RCL1: variants seen among roughly 807,000 people sequenced by gnomAD.
RCL1 encodes the protein RNA terminal phosphate cyclase like 1.
RCL1 carries 24 observed loss-of-function variants against 42.4 expected under a neutral mutation model. The observed-to-expected ratio is 0.57, with a 90% CI of 0.41 to 0.80. The LOEUF (loss-of-function observed/expected upper bound fraction) is 0.80. RCL1 is among the 30% of genes least tolerant of loss of function. The pLI is 0.00. For missense variants in RCL1, 578 were observed against 467.9 expected (o/e 1.24, Z -2.17); for synonymous variants, 228 against 177.3 (o/e 1.29, Z -2.27).
chr9:4,841,434 C>T lies in RCL1; in HGVS notation c.710+77C>T, dbSNP rs1356536078. The T allele has an allele frequency of 6.7e-6, 8 of 1,187,202 alleles. No homozygotes were observed. In the Admixed American group the frequency reaches 1.3e-4, roughly 20 times the overall value. The allele number at this position is 1,187,202 out of a possible 1,614,324, so 73.5% of individuals were successfully genotyped here. A position where few individuals can be genotyped will look rare whatever the true frequency, so the allele number is the denominator to read the frequency against. On this transcript the variant is annotated intron_variant, in intron 6 of 8. Transcript: ENST00000381750. ...TTCTAGTTGAAGTTAAAACTGCCAG[C>T]TCTGAGGTTGCGCAGCCAGAGGAAG...
intron 8 of RCL1, among the ~76,000 whole-genome samples, chr9:4,858,251 G>C (rs954520711): frequency 6.6e-6 from 1 of 152,108 alleles, no homozygotes; most frequent in African/African-American, 2.4e-5. Flanking sequence ...TGAGATGCCT[G>C]ACCTTTATCA....
intron 5 of RCL1, among the ~76,000 whole-genome samples, chr9:4,836,320 G>A (rs1366979185): frequency 6.6e-6 from 1 of 152,122 alleles, no homozygotes; most frequent in Non-Finnish European, 1.5e-5. Context: ...TGGAGGGTGG[G>A]TGCTGGAGCA....
At chr9:4,835,940 A>C (rs1342339865) in intron 5 of RCL1, among the ~76,000 whole-genome samples, 2 of 152,100 alleles carry the variant, frequency 1.3e-5, no homozygotes, top group Admixed American at 1.3e-4. Flanking sequence ...GGCATACGGT[A>C]AGGGTGGCTC....
chr9:4,808,149 C>T (rs1261319856), intron 1 of RCL1, among the ~76,000 whole-genome samples: 5 of 151,908 alleles, frequency 3.3e-5, no homozygotes, highest in Admixed American at 2.6e-4. Context: ...AGAGGGGTCG[C>T]TGACAATAAT....
chr9:4,854,925 T>C (rs1817885162), intron 8 of RCL1, among the ~76,000 whole-genome samples: 1 of 151,888 alleles, frequency 6.6e-6, no homozygotes, highest in Admixed American at 6.6e-5. Flanking sequence ...TGGTGGCACA[T>C]GTCTCTAATC....
chr9:4,793,768 A>G (rs1842871009), intron 1 of RCL1, among the ~76,000 whole-genome samples: 1 of 152,150 alleles, frequency 6.6e-6, no homozygotes, highest in Middle Eastern at 3.2e-3. Flanking sequence ...GGATAAAGAA[A>G]TTTTTAAAAT....
chr9:4,835,767 C>G (rs537595404), intron 5 of RCL1, among the ~76,000 whole-genome samples: 1 of 152,158 alleles, frequency 6.6e-6, no homozygotes, highest in African/African-American at 2.4e-5. Flanking sequence ...CTTGGTTGCC[C>G]GTATATCTTT....
At chr9:4,835,012 A>G (rs1817075909) in intron 5 of RCL1, among the ~76,000 whole-genome samples, 1 of 152,220 alleles carries the variant, frequency 6.6e-6, no homozygotes. Flanking sequence ...AGAGGATTGC[A>G]AAGTAGAGCA....
In RCL1 at chr9:4,840,012, G is replaced by A. The variant is rs189011480; in HGVS notation, c.585-1220G>A. On this transcript the variant is annotated intron_variant, in intron 5 of 8. Transcript: ENST00000381750. ...AAGGAGTTGATGGTGCAGAGCTGAA[G>A]ATGGACACAACTGAGCAGGCTGGGG... Among the ~76,000 whole-genome samples the A allele has an allele frequency of 1.7e-3, 265 of 152,128 alleles. 1 individual carries two copies. Among genetic ancestry groups the A allele is most frequent in the Admixed American group, 5.6e-3 (86 of 15,284 alleles).
At chr9:4,824,623 A>T (rs1816699897) in intron 2 of RCL1, among the ~76,000 whole-genome samples, 1 of 152,152 alleles carries the variant, frequency 6.6e-6, no homozygotes. Context: ...TGACTCCATT[A>T]ACTCTCTACC....
chr9:4,817,026 C>A (rs1040644934), intron 1 of RCL1, among the ~76,000 whole-genome samples: 2 of 152,162 alleles, frequency 1.3e-5, no homozygotes, highest in Non-Finnish European at 2.9e-5. Context: ...ACCGTGTTAG[C>A]CAGGATGGTC....
chr9:4,840,903 C>T (rs1002897908), intron 5 of RCL1, among the ~76,000 whole-genome samples: 4 of 152,020 alleles, frequency 2.6e-5, no homozygotes, highest in African/African-American at 9.7e-5. Context: ...GGATCATGAC[C>T]CGCAGAGAGG....
intron 8 of RCL1, among the ~76,000 whole-genome samples, chr9:4,852,963 A>T (rs1314748024): frequency 2.0e-5 from 3 of 152,070 alleles, no homozygotes; most frequent in Admixed American, 6.5e-5. Flanking sequence ...TAAATTATGG[A>T]TTAAAAAATT....
chr9:4,793,305 G>A (rs997546973), intron 1 of RCL1, 78 bp downstream of exon 1: 3 of 1,464,018 alleles, frequency 2.0e-6, no homozygotes, highest in Non-Finnish European at 2.7e-6. Context: ...GGGCCCGCGC[G>A]GTGTTGGTTG....
chr9:4,858,581 G>A (rs1368895613), intron 8 of RCL1, among the ~76,000 whole-genome samples: 1 of 152,152 alleles, frequency 6.6e-6, no homozygotes, highest in African/African-American at 2.4e-5. Flanking sequence ...TTCACCTGTG[G>A]ATATCCAGTT....
intron 5 of RCL1, among the ~76,000 whole-genome samples, chr9:4,840,688 T>C (rs1817286445): frequency 6.6e-6 from 1 of 152,194 alleles, no homozygotes; most frequent in African/African-American, 2.4e-5. Flanking sequence ...TTTTTATATA[T>C]TTATAAATAG....
Position 4,826,774 on chromosome 9 carries a change from C to G in RCL1, c.209-84C>G, listed in dbSNP as rs1766376691. The G allele has an allele frequency of 1.4e-5, 17 of 1,224,374 alleles. No individual in the cohort carries two copies. In the South Asian group the frequency reaches 2.0e-4, roughly 15 times the overall value. 75.8% of individuals were successfully genotyped at this position (1,224,374 alleles called of 1,614,324 possible). On this transcript the variant is annotated intron_variant, in intron 2 of 8. Coordinates refer to ENST00000381750, the MANE Select transcript of RCL1 (RefSeq NM_005772.5). ...TCTTGGATGCCCTTGTCAGGCTTTC[C>G]CCTTGGAACTCACTGCCTTCATTAC...
intron 8 of RCL1, among the ~76,000 whole-genome samples, chr9:4,853,147 T>C (rs1048883063): frequency 6.6e-6 from 1 of 151,934 alleles, no homozygotes; most frequent in Admixed American, 6.5e-5. Context: ...ACTTATCTGG[T>C]TTTCATCATA....
intron 1 of RCL1, among the ~76,000 whole-genome samples, chr9:4,817,471 CT>C (rs34793899): frequency 1.1e-4 from 1 of 9,158 alleles, no homozygotes; most frequent in African/African-American, 1.8e-4. Flanking sequence ...TTTTTTTAAT[CT>C]TTTTTTTTTT....
Sources: gnomAD v4.1 joint callset for allele counts (sites outside exome capture counted in the v4.1 genomes callset) on GRCh38, gnomAD v4.1.1 for gene constraint, MANE v1.5 for transcripts, NCBI Gene and HGNC (gene_info 2026-07-23, HGNC 2026-07-21) for gene names.